CSMD3: variants seen among roughly 807,000 people sequenced by gnomAD.
CSMD3 encodes CUB and Sushi multiple domains 3.
A neutral mutation model predicts 435.2 loss-of-function variants in CSMD3; 177 were observed. The observed-to-expected ratio is 0.41, with a 90% CI of 0.36 to 0.46. The LOEUF is 0.46. CSMD3 is among the 20% of genes least tolerant of loss of function. CSMD3 has a pLI of 0.34. For missense variants in CSMD3, 4,265 were observed against 4,504.6 expected (o/e 0.95, Z 1.52); for synonymous variants, 1,656 against 1,520.5 (o/e 1.09, Z -2.07).
chr8:112,340,365 T>C (rs868274648), intron 42 of CSMD3, among the ~76,000 whole-genome samples: 23 of 152,206 alleles, frequency 1.5e-4, no homozygotes, highest in Non-Finnish European at 8.8e-5. Flanking sequence ...TGCACGCAAG[T>C]ATAATACAAA....
chr8:112,327,139 A>C (rs1741286493), intron 45 of CSMD3, among the ~76,000 whole-genome samples: 1 of 152,188 alleles, frequency 6.6e-6, no homozygotes, highest in South Asian at 2.1e-4. Context: ...CATCCTATAT[A>C]ATATGTAAGT....
At chr8:112,318,986 A>G in intron 46 of CSMD3, 36 bp from the exon 47 acceptor site, 1 of 1,139,710 alleles carries the variant, frequency 8.8e-7, no homozygotes, top group Non-Finnish European at 1.3e-6. Flanking sequence ...CATATAAGCA[A>G]CAAGGTGATG....
chr8:113,096,853 C>T (rs192978805), intron 5 of CSMD3, among the ~76,000 whole-genome samples: 1 of 152,188 alleles, frequency 6.6e-6, no homozygotes, highest in Non-Finnish European at 1.5e-5. Context: ...GGACTTTGCT[C>T]AAATATCAAC....
At chr8:113,160,559 G>T (rs753586782) in intron 4 of CSMD3, among the ~76,000 whole-genome samples, 6 of 151,900 alleles carry the variant, frequency 3.9e-5, no homozygotes, top group Non-Finnish European at 7.4e-5. Context: ...TCTAACTTTT[G>T]ATAGTTGGTA....
chr8:112,944,768 G>A (rs922481015), intron 9 of CSMD3, among the ~76,000 whole-genome samples: 2 of 151,238 alleles, frequency 1.3e-5, no homozygotes, highest in African/African-American at 4.8e-5. Context: ...ACCCTTTTAG[G>A]TATTGTCATA....
At chr8:112,533,980 A>G (rs1338791884) in intron 27 of CSMD3, among the ~76,000 whole-genome samples, 1 of 152,132 alleles carries the variant, frequency 6.6e-6, no homozygotes, top group Non-Finnish European at 1.5e-5. Flanking sequence ...TGTACAAATA[A>G]CATGGAAATT....
chr8:112,925,579 C>T (rs913801871), intron 9 of CSMD3, among the ~76,000 whole-genome samples: 2 of 151,862 alleles, frequency 1.3e-5, no homozygotes, highest in Admixed American at 1.3e-4. Flanking sequence ...ATATTTTCAT[C>T]TCTTTGTGCA....
At chr8:112,503,088 T>C (rs1426900678) in intron 30 of CSMD3, among the ~76,000 whole-genome samples, 4 of 152,220 alleles carry the variant, frequency 2.6e-5, no homozygotes, top group African/African-American at 9.6e-5. Flanking sequence ...TTTAAATATC[T>C]GTAGACATTT....
At chr8:113,178,828 G>A (rs143737698) in intron 3 of CSMD3, among the ~76,000 whole-genome samples, 58 of 151,926 alleles carry the variant, frequency 3.8e-4, no homozygotes, top group Middle Eastern at 6.8e-3. Flanking sequence ...ACTAGATTGC[G>A]AAAAAATATT....
chr8:113,005,153 A>G (rs2086009910), intron 6 of CSMD3, among the ~76,000 whole-genome samples: 1 of 151,852 alleles, frequency 6.6e-6, no homozygotes, highest in Non-Finnish European at 1.5e-5. Flanking sequence ...AACCCAAACC[A>G]AAAACTACTA....
chr8:112,672,421 T>C (rs926652058), intron 16 of CSMD3, among the ~76,000 whole-genome samples: 3 of 152,088 alleles, frequency 2.0e-5, no homozygotes, highest in African/African-American at 7.2e-5. Context: ...GGCCATCTAC[T>C]GAGCTTGTTA....
chr8:112,997,586 G>T (rs995780151), intron 6 of CSMD3, among the ~76,000 whole-genome samples: 1 of 151,500 alleles, frequency 6.6e-6, no homozygotes, highest in Non-Finnish European at 1.5e-5. Context: ...GAATTTGATG[G>T]TCAAGGAGAT....
At position 113,140,224 on chromosome 8, in the gene CSMD3, CA is replaced by C. The variant is rs1472117463; in HGVS notation, c.709+33497del. Among the ~76,000 whole-genome samples the C allele has an allele frequency of 2.0e-5, 3 of 149,734 alleles. No homozygotes were observed. In the South Asian group the frequency reaches 6.3e-4, roughly 31 times the overall value. ...ATAGTAATCTTAAATGTGTATGCAC[CA>C]AAAAACAATGCTGCAAATTTTTTTG... On this transcript the variant is annotated intron_variant, in intron 4 of 70. Coordinates refer to ENST00000297405, the MANE Select transcript of CSMD3 (RefSeq NM_198123.2).
chr8:113,117,241 A>C (rs1409706163), intron 4 of CSMD3, among the ~76,000 whole-genome samples: 1 of 152,226 alleles, frequency 6.6e-6, no homozygotes, highest in Non-Finnish European at 1.5e-5. Context: ...ACTTTGTGCA[A>C]GCTCAAGACT....
intron 13 of CSMD3, among the ~76,000 whole-genome samples, chr8:112,733,088 C>A (rs1466857707): frequency 6.6e-6 from 1 of 152,012 alleles, no homozygotes; most frequent in African/African-American, 2.4e-5. Context: ...CCAACCAGTC[C>A]TCAATAAGAA....
intron 13 of CSMD3, among the ~76,000 whole-genome samples, chr8:112,763,031 C>G (rs1294748388): frequency 6.6e-6 from 1 of 151,526 alleles, no homozygotes; most frequent in South Asian, 2.1e-4. Flanking sequence ...AAAAATGCTA[C>G]GAGAGTAGAT....
intron 38 of CSMD3, among the ~76,000 whole-genome samples, chr8:112,370,846 T>C (rs1235301777): frequency 6.6e-6 from 1 of 152,346 alleles, no homozygotes; most frequent in South Asian, 2.1e-4. Context: ...GGCAAAAGTA[T>C]ATTGCCTCTT....
chr8:112,292,847 GA>G, intron 54 of CSMD3, 137 bp from the exon 55 acceptor site: 1 of 762,486 alleles, frequency 1.3e-6, no homozygotes, highest in Non-Finnish European at 2.3e-6. Context: ...GAAATATACG[GA>G]AAGTACATTT....
At chr8:112,304,106 A>G (rs959595286) in intron 52 of CSMD3, among the ~76,000 whole-genome samples, 2 of 152,160 alleles carry the variant, frequency 1.3e-5, no homozygotes, top group African/African-American at 4.8e-5. Context: ...TAACTGCTCA[A>G]TTTGGTTCAA....
Sources: gnomAD v4.1 joint callset for allele counts (sites outside exome capture counted in the v4.1 genomes callset) on GRCh38, gnomAD v4.1.1 for gene constraint, MANE v1.5 for transcripts, NCBI Gene and HGNC (gene_info 2026-07-23, HGNC 2026-07-21) for gene names.